Variants in MAPKAPK5 observed in about 807,000 individuals in gnomAD.
MAPKAPK5 encodes MAPK activated protein kinase 5, also known as MAP kinase-activated protein kinase 5.
Under a neutral mutation model 65.1 loss-of-function variants are expected in MAPKAPK5, and 30 were observed. The ratio of observed to expected loss-of-function variants is 0.46; its 90% confidence interval spans 0.34 to 0.63. The LOEUF (loss-of-function observed/expected upper bound fraction) is 0.63. Ranked by LOEUF, MAPKAPK5 falls within the 20% of genes least tolerant of loss-of-function variation. MAPKAPK5 has a pLI of 0.01. For synonymous variants in MAPKAPK5, 179 were observed against 204.6 expected, an observed-to-expected ratio of 0.87 and a Z score of 1.07; for missense variants, 433 against 581.4, an observed-to-expected ratio of 0.74 and a Z score of 2.63.
intron 1 of MAPKAPK5, among the ~76,000 whole-genome samples, chr12:111,863,231 A>C (rs557804905): frequency 1.3e-5 from 2 of 152,302 alleles, no homozygotes; most frequent in Admixed American, 6.5e-5. Context: ...ACAGTTTTTC[A>C]GAAGGGAGTT....
chr12:111,857,244 C>CTTTTTT (rs1347172253), intron 1 of MAPKAPK5, among the ~76,000 whole-genome samples: 1 of 140,384 alleles, frequency 7.1e-6, no homozygotes, highest in Admixed American at 7.2e-5. Context: ...TTTCTTTTTT[C>CTTTTTT]TTTTTTTTTT....
At chr12:111,857,849 G>A (rs1051056331) in intron 1 of MAPKAPK5, among the ~76,000 whole-genome samples, 3 of 151,388 alleles carry the variant, frequency 2.0e-5, no homozygotes, top group East Asian at 1.9e-4. Context: ...TTTTCCCTTC[G>A]TACTTACATT....
In MAPKAPK5 at chr12:111,867,602, C is replaced by T; in HGVS notation, c.217C>T (p.Pro73Ser). 1 of 1,613,822 alleles carries T rather than the reference C, an allele frequency of 6.2e-7. No homozygotes were observed. Residue 73 changes from proline to serine, a missense_variant, in exon 4 of 14, where the codon CCA (proline) becomes TCA (serine). Physicochemically the swap from Pro to Ser is moderately conservative, Grantham distance 74. Coordinates refer to ENST00000550735, the MANE Select transcript of MAPKAPK5 (RefSeq NM_003668.4). Reference sequence around the variant, plus strand: ...TCTGCACATGATGTGTGCCACACACCCAAACATAGTTCAGATTATTGAAGT... The same window carrying T: ...TCTGCACATGATGTGTGCCACACACTCAAACATAGTTCAGATTATTGAAGT... Reference protein sequence around the residue: ...VRLHMMCATHPNIVQIIEVFA... With the variant: ...VRLHMMCATHSNIVQIIEVFA...
intron 7 of MAPKAPK5, among the ~76,000 whole-genome samples, chr12:111,872,633 G>T (rs972332416): frequency 6.6e-6 from 1 of 152,178 alleles, no homozygotes; most frequent in African/African-American, 2.4e-5. Context: ...ATGGTACTCA[G>T]TGCTATAATC....
Position 111,901,469 on chromosome 12 carries a change from G to A in MAPKAPK5, c.*8408G>A, listed in dbSNP as rs192124639. ...GTGAAGAACATGCTGTAGACATGAT[G>A]ATATTATCATTCATTATACTTTTTA... On this transcript the variant is annotated 3_prime_UTR_variant, in exon 14 of 14. Coordinates refer to ENST00000550735, the MANE Select transcript of MAPKAPK5 (RefSeq NM_003668.4). 6.6e-4 allele frequency: 298 copies of A among 453,618 alleles called. No homozygotes were observed. Among genetic ancestry groups the A allele is most frequent in the Non-Finnish European group, 1.0e-3 (225 of 226,088 alleles). The allele number at this position is 453,618 out of a possible 1,614,324, so 28.1% of individuals were successfully genotyped here. A position where few individuals can be genotyped will look rare whatever the true frequency, so the allele number is the denominator to read the frequency against.
Position 111,899,572 on chromosome 12 carries a change from T to C in MAPKAPK5, c.*6511T>C, listed in dbSNP as rs910139679. 4.2e-6 allele frequency: 1 copy of C among 240,346 alleles called. No homozygotes were observed. Among genetic ancestry groups the C allele is most frequent in the Non-Finnish European group, 8.4e-6 (1 of 119,100 alleles). 14.9% of individuals were successfully genotyped at this position (240,346 alleles called of 1,614,324 possible). On this transcript the variant is annotated 3_prime_UTR_variant, in exon 14 of 14. Coordinates refer to ENST00000550735, the MANE Select transcript of MAPKAPK5 (RefSeq NM_003668.4). The stretch of plus-strand genomic sequence containing the variant: ...GAAGGACTGTCCTACTTGTTACTTA[T>C]GCAAGGCCAGAAGCACCTGGTTCAT...
chr12:111,856,148 TC>T (rs1322040322), intron 1 of MAPKAPK5, among the ~76,000 whole-genome samples: 3 of 151,710 alleles, frequency 2.0e-5, no homozygotes, highest in African/African-American at 7.3e-5. Context: ...AGCCACTGTG[TC>T]CAGTCGTGTT....
intron 7 of MAPKAPK5, among the ~76,000 whole-genome samples, chr12:111,874,548 T>C (rs1378786547): frequency 6.8e-6 from 1 of 146,436 alleles, no homozygotes; most frequent in Non-Finnish European, 1.5e-5. Context: ...CTCAGCTCAC[T>C]GCAACCTCTG....
intron 1 of MAPKAPK5, among the ~76,000 whole-genome samples, chr12:111,857,147 T>G (rs2069267136): frequency 6.6e-6 from 1 of 152,220 alleles, no homozygotes; most frequent in Non-Finnish European, 1.5e-5. Context: ...ACCTATCTTA[T>G]GTATATTTAT....
chr12:111,858,890 C>T (rs1029120316), intron 1 of MAPKAPK5, among the ~76,000 whole-genome samples: 2 of 148,046 alleles, frequency 1.4e-5, no homozygotes, highest in Non-Finnish European at 3.0e-5. Flanking sequence ...TAATTTTTAA[C>T]TCTAGAATTT....
intron 1 of MAPKAPK5, among the ~76,000 whole-genome samples, chr12:111,859,888 A>T (rs2069374322): frequency 6.6e-6 from 1 of 151,436 alleles, no homozygotes; most frequent in Admixed American, 6.6e-5. Context: ...ACCTCAGGTG[A>T]TCCACCCGCC....
Position 111,886,034 on chromosome 12 carries a change from A to G in MAPKAPK5, c.967A>G (p.Lys323Glu). The G allele has an allele frequency of 6.2e-7, 1 of 1,613,854 alleles. No individual in the cohort carries two copies. The highest frequency in any genetic ancestry group is 8.5e-7 in the Non-Finnish European group (1 of 1,179,856). Residue 323 changes from lysine (K) to glutamate (E), a missense_variant and splice_region_variant, in exon 10 of 14, where the codon AAG (lysine) becomes GAG (glutamate). Coordinates refer to ENST00000550735, the MANE Select transcript of MAPKAPK5 (RefSeq NM_003668.4). The stretch of plus-strand genomic sequence containing the variant: ...GCCTTCTGCTCAGCTGATGATGGAC[A>G]AGGTTTTGAATGATGTTTACTTTGT... Reference protein sequence around the residue: ...VLPSAQLMMDKAVVAGIQQAH... With the variant: ...VLPSAQLMMDEAVVAGIQQAH...
At chr12:111,857,271 C>T (rs567418401) in intron 1 of MAPKAPK5, among the ~76,000 whole-genome samples, 10 of 149,046 alleles carry the variant, frequency 6.7e-5, no homozygotes, top group South Asian at 2.1e-4. Flanking sequence ...GATGGAGCCT[C>T]GCTCCCGTTG....
chr12:111,855,573 A>G (rs1218280244), intron 1 of MAPKAPK5, among the ~76,000 whole-genome samples: 2 of 152,156 alleles, frequency 1.3e-5, no homozygotes, highest in East Asian at 1.9e-4. Flanking sequence ...TCACGCCTGT[A>G]ATCCTCGCAC....
chr12:111,898,227 G>A lies in MAPKAPK5; in HGVS notation c.*5166G>A. The A allele has an allele frequency of 6.6e-6, 1 of 151,844 alleles. No individual in the cohort carries two copies. Among genetic ancestry groups the A allele is most frequent in the Non-Finnish European group, 1.5e-5 (1 of 67,992 alleles). The allele number at this position is 151,844 out of a possible 1,614,324, so 9.4% of individuals were successfully genotyped here. On this transcript the variant is annotated 3_prime_UTR_variant, in exon 14 of 14. Transcript: ENST00000550735. ...TCTGTTGCCCAGGTTGGAGTGCAAT[G>A]GTGTGATCTCGGCTTACTGCAACCT...
At chr12:111,889,130 T>C (rs1351185363) in intron 12 of MAPKAPK5, 130 bp downstream of exon 12, 2 of 1,035,428 alleles carry the variant, frequency 1.9e-6, no homozygotes, top group Non-Finnish European at 2.8e-6. Flanking sequence ...TCTTGTGTTA[T>C]AAGAAAAGTA....
At chr12:111,878,196 C>T (rs965591391) in intron 7 of MAPKAPK5, among the ~76,000 whole-genome samples, 1 of 151,906 alleles carries the variant, frequency 6.6e-6, no homozygotes, top group Non-Finnish European at 1.5e-5. Flanking sequence ...AAGGCCTGTG[C>T]TTTTGGTTTC....
At position 111,845,990 on chromosome 12, in the gene MAPKAPK5, T is replaced by C. The variant is rs572351990; in HGVS notation, c.36+3221T>C. Among the ~76,000 whole-genome samples, 22 of 152,308 alleles carry C rather than the reference T, an allele frequency of 1.4e-4. 1 individual carries two copies. ...AGCTCATAGCAACTTAAGGGTGCTT[T>C]AGAAAGAGTTGTTTTTTTCACTTGA... On this transcript the variant is annotated intron_variant, in intron 1 of 13. Transcript: ENST00000550735.
At chr12:111,892,934 T>G in intron 13 of MAPKAPK5, 33 bp from the exon 14 acceptor site, 2 of 1,494,930 alleles carry the variant, frequency 1.3e-6, no homozygotes, top group South Asian at 2.5e-5. Context: ...TCAAAGAATT[T>G]GAGGACTGAC....
Sources: gnomAD v4.1 joint callset for allele counts (sites outside exome capture counted in the v4.1 genomes callset) on GRCh38, gnomAD v4.1.1 for gene constraint, MANE v1.5 for transcripts, NCBI Gene and HGNC (gene_info 2026-07-23, HGNC 2026-07-21) for gene names.